PTPRM: variants seen among roughly 807,000 people sequenced by gnomAD.
The protein encoded by PTPRM is protein tyrosine phosphatase receptor type M, also known as receptor-type tyrosine-protein phosphatase mu.
A neutral mutation model predicts 186.7 loss-of-function variants in PTPRM; 47 were observed. The observed-to-expected ratio is 0.25, with a 90% CI of 0.20 to 0.32. PTPRM has a LOEUF of 0.32. Ranked by LOEUF, PTPRM falls within the 10% of genes least tolerant of loss-of-function variation. The pLI, the probability that PTPRM is intolerant of heterozygous loss-of-function variation, is 1.00. For missense variants in PTPRM, 1,494 were observed against 1,865.0 expected, an observed-to-expected ratio of 0.80 and a Z score of 3.66; for synonymous variants, 668 against 674.9, an observed-to-expected ratio of 0.99 and a Z score of 0.16.
At chr18:7,950,067 T>C (rs1244172882) in intron 6 of PTPRM, among the ~76,000 whole-genome samples, 1 of 152,170 alleles carries the variant, frequency 6.6e-6, no homozygotes, top group Non-Finnish European at 1.5e-5. Flanking sequence ...TTGCTGTTTT[T>C]CCTAGGAGAA....
chr18:8,002,102 C>G lies in PTPRM; in HGVS notation c.1132+46688C>G, dbSNP rs114358216. On this transcript the variant is annotated intron_variant, in intron 7 of 32. Transcript: ENST00000580170. ...AGAAAAATTGCCGGTAATCCATCCA[C>G]TGACATTCACACTCTATCTAGATTT... 7.3e-3 allele frequency among the ~76,000 whole-genome samples: 1,114 copies of G among 152,332 alleles called. 10 individuals are homozygous for G. The highest frequency in any genetic ancestry group is 0.025 in the African/African-American group (1,035 of 41,574).
At chr18:7,620,952 C>T (rs2037922552) in intron 1 of PTPRM, among the ~76,000 whole-genome samples, 1 of 152,104 alleles carries the variant, frequency 6.6e-6, no homozygotes, top group Non-Finnish European at 1.5e-5. Flanking sequence ...ATTTGGGAGG[C>T]TCAGGAGGAT....
At chr18:8,381,686 G>A (rs2095737264) in intron 29 of PTPRM, among the ~76,000 whole-genome samples, 1 of 152,168 alleles carries the variant, frequency 6.6e-6, no homozygotes, top group African/African-American at 2.4e-5. Flanking sequence ...AAGACAAGCA[G>A]ACACCACGGC....
chr18:8,340,300 A>G (rs1025320114), intron 22 of PTPRM, among the ~76,000 whole-genome samples: 9 of 152,146 alleles, frequency 5.9e-5, no homozygotes, highest in African/African-American at 2.2e-4. Flanking sequence ...TTTCATTTTT[A>G]GATTTTAACA....
intron 14 of PTPRM, among the ~76,000 whole-genome samples, chr18:8,153,768 G>T (rs2093062434): frequency 6.6e-6 from 1 of 152,298 alleles, no homozygotes; most frequent in South Asian, 2.1e-4. Context: ...TAGAAAAATT[G>T]TTGGGGTGTT....
At chr18:7,687,445 C>T (rs1373207541) in intron 1 of PTPRM, among the ~76,000 whole-genome samples, 1 of 152,062 alleles carries the variant, frequency 6.6e-6, no homozygotes, top group Non-Finnish European at 1.5e-5. Context: ...ACATTATTTA[C>T]ACATTTAATC....
chr18:8,252,025 T>C (rs953088163), intron 17 of PTPRM, among the ~76,000 whole-genome samples: 2 of 152,192 alleles, frequency 1.3e-5, no homozygotes, highest in African/African-American at 4.8e-5. Flanking sequence ...TAATAGCATT[T>C]CCCTGCATAA....
chr18:7,662,931 T>C (rs2039012173), intron 1 of PTPRM, among the ~76,000 whole-genome samples: 1 of 152,222 alleles, frequency 6.6e-6, no homozygotes, highest in Admixed American at 6.5e-5. Flanking sequence ...GGACCATGTC[T>C]TCATCATGTT....
chr18:7,846,078 A>G (rs1351896089), intron 2 of PTPRM, among the ~76,000 whole-genome samples: 1 of 152,166 alleles, frequency 6.6e-6, no homozygotes, highest in African/African-American at 2.4e-5. Context: ...CCTCGGGCAA[A>G]AACACTCTCT....
rs138232265 is a variant in PTPRM at position 8,371,574 on chromosome 18, C to G, written c.3171+568C>G. ...CATGGGACACTCTTGCATGAACCAG[C>G]GCATTCATTCATGCTCACTCCCATA... On this transcript the variant is annotated intron_variant, in intron 24 of 32. Transcript: ENST00000580170. Among the ~76,000 whole-genome samples, 735 of 152,300 alleles carry G rather than the reference C, an allele frequency of 4.8e-3. 1 individual carries two copies. The highest frequency in any genetic ancestry group is 0.01 in the Middle Eastern group (3 of 294).
chr18:8,273,321 A>G (rs2094794773), intron 19 of PTPRM, among the ~76,000 whole-genome samples: 1 of 152,138 alleles, frequency 6.6e-6, no homozygotes, highest in Non-Finnish European at 1.5e-5. Flanking sequence ...TGGAGTGAAT[A>G]TCTGTAATTT....
At chr18:8,327,198 A>G (rs1307737916) in intron 22 of PTPRM, among the ~76,000 whole-genome samples, 1 of 152,220 alleles carries the variant, frequency 6.6e-6, no homozygotes, top group Admixed American at 6.5e-5. Context: ...TGACCTTATC[A>G]CCGCCATCAC....
chr18:7,972,916 C>T (rs1196783753), intron 7 of PTPRM, among the ~76,000 whole-genome samples: 1 of 152,064 alleles, frequency 6.6e-6, no homozygotes, highest in African/African-American at 2.4e-5. Flanking sequence ...TCCTCAGTCC[C>T]TTCCTTACTA....
intron 32 of PTPRM, among the ~76,000 whole-genome samples, chr18:8,400,507 G>C (rs972833064): frequency 2.6e-5 from 4 of 152,220 alleles, no homozygotes; most frequent in Non-Finnish European, 5.9e-5. Flanking sequence ...CCGCCAGGTA[G>C]GATAGACGTG....
intron 2 of PTPRM, among the ~76,000 whole-genome samples, chr18:7,790,657 A>G (rs188659459): frequency 5.3e-5 from 8 of 152,378 alleles, no homozygotes; most frequent in African/African-American, 1.7e-4. Flanking sequence ...GACAAATGCA[A>G]TAAAACCTTT....
rs1385403424 is a variant in PTPRM at position 7,993,372 on chromosome 18, G to A, written c.1132+37958G>A. On this transcript the variant is annotated intron_variant, in intron 7 of 32. Transcript: ENST00000580170. ...AGATATAGACATCCAAATATAGGAG[G>A]CTTAAAGACTTCTGAATATACTTAA... Among the ~76,000 whole-genome samples the A allele has an allele frequency of 2.6e-5, 4 of 151,928 alleles. No individual in the cohort carries two copies. In the East Asian group the frequency reaches 7.7e-4, roughly 29 times the overall value.
chr18:8,216,317 T>C (rs1216980416), intron 14 of PTPRM, among the ~76,000 whole-genome samples: 1 of 152,218 alleles, frequency 6.6e-6, no homozygotes, highest in African/African-American at 2.4e-5. Context: ...CACTAAAATT[T>C]TGAATAACAA....
intron 3 of PTPRM, among the ~76,000 whole-genome samples, chr18:7,901,391 G>A (rs1310612225): frequency 2.0e-5 from 3 of 151,154 alleles, no homozygotes; most frequent in East Asian, 1.9e-4. Flanking sequence ...TTTTGATAAC[G>A]GAGTCTTACT....
intron 5 of PTPRM, among the ~76,000 whole-genome samples, chr18:7,929,843 G>A (rs534608740): frequency 4.6e-5 from 7 of 152,128 alleles, no homozygotes; most frequent in African/African-American, 1.4e-4. Flanking sequence ...TAAACCTTTC[G>A]TCATGGACCA....
Sources: gnomAD v4.1 joint callset for allele counts (sites outside exome capture counted in the v4.1 genomes callset) on GRCh38, gnomAD v4.1.1 for gene constraint, MANE v1.5 for transcripts, NCBI Gene and HGNC (gene_info 2026-07-23, HGNC 2026-07-21) for gene names.